COL15A1: variants seen among roughly 807,000 people sequenced by gnomAD.
COL15A1 encodes collagen alpha-1(XV) chain.
COL15A1 carries 111 observed loss-of-function variants against 165.9 expected under a neutral mutation model. The ratio of observed to expected loss-of-function variants is 0.67; its 90% CI spans 0.57 to 0.78. COL15A1 has a LOEUF of 0.78. Among genes scored for constraint, COL15A1 ranks in the 30% least tolerant of loss-of-function variants. COL15A1 has a pLI of 0.00. For missense variants in COL15A1, 1,745 were observed against 1,789.7 expected, an observed-to-expected ratio of 0.98 and a Z score of 0.45; for synonymous variants, 659 against 674.8, an observed-to-expected ratio of 0.98 and a Z score of 0.36.
rs1156280407 is a variant in COL15A1 at position 99,004,984 on chromosome 9, T to C, written c.1287T>C (p.Ser429=). The change falls in exon 9 of 42, where the codon AGT becomes AGC. Residue 429 remains serine (S), a synonymous_variant. Transcript: ENST00000375001. ...GCATGCCTGGGGAAGTGGAGGCCAG[T>C]GGTGTGGCCCCCGGGGAGCTGGACC... ...LASMPGEVEA[S]GVAPGELDLS... is the part of the protein sequence containing the mutation. 1.9e-6 allele frequency: 3 copies of C among 1,613,882 alleles called. No individual in the cohort carries two copies. Among genetic ancestry groups the C allele is most frequent in the East Asian group, 2.2e-5 (1 of 44,862 alleles).
intron 9 of COL15A1, among the ~76,000 whole-genome samples, chr9:99,005,389 C>T (rs545081451): frequency 1.3e-5 from 2 of 152,050 alleles, no homozygotes; most frequent in African/African-American, 2.4e-5. Flanking sequence ...AGGCAGCAGG[C>T]GGCAGGCCCC....
rs1300631634 is a variant in COL15A1, at chr9:98,992,667, TATGC to T, written c.804+3413_804+3416del. Among the ~76,000 whole-genome samples, 3 of 152,358 alleles carry T rather than the reference TATGC, an allele frequency of 2.0e-5. No individual in the cohort carries two copies. In the South Asian group the frequency reaches 6.2e-4, roughly 32 times the overall value. ...AGCACGTTGTCAATTCTCGCTATTG[TATGC>T]ATGATTTCACTTTTGTTTCTTGCCA... is the stretch of plus-strand genomic sequence containing the variant. On this transcript the variant is annotated intron_variant, in intron 5 of 41. Transcript: ENST00000375001.
intron 9 of COL15A1, among the ~76,000 whole-genome samples, chr9:99,010,627 C>T (rs1181226147): frequency 6.6e-6 from 1 of 152,208 alleles, no homozygotes; most frequent in South Asian, 2.1e-4. Flanking sequence ...GGCGGGAACA[C>T]TTGTGAGTTT....
At chr9:98,980,377 G>A (rs914429359) in intron 2 of COL15A1, among the ~76,000 whole-genome samples, 1 of 152,268 alleles carries the variant, frequency 6.6e-6, no homozygotes, top group African/African-American at 2.4e-5. Flanking sequence ...GTGGGTGCGG[G>A]AGGTGAAGCG....
Position 99,055,118 on chromosome 9 carries a change from A to G in COL15A1, c.3048A>G (p.Leu1016=), listed in dbSNP as rs201121426. 1.2e-5 allele frequency: 20 copies of G among 1,613,002 alleles called. No homozygotes were observed. The African/African-American group carries it at 2.0e-4, about 16-fold the overall frequency. The change falls in exon 33 of 42, where the codon CTA becomes CTG. Residue 1016 remains leucine, a synonymous_variant. Transcript: ENST00000375001. ...CTTTTTCAGGTCCTCCACTTGATCT[A>G]GCTTACCTGAGACACTTTCTGAACA... ...AQGPPGPPLD[L]AYLRHFLNNL...
intron 9 of COL15A1, among the ~76,000 whole-genome samples, chr9:99,007,313 A>C (rs924356414): frequency 1.3e-5 from 2 of 152,234 alleles, no homozygotes; most frequent in Non-Finnish European, 2.9e-5. Flanking sequence ...CTTTTAAAGG[A>C]ATAGCATGGG....
chr9:99,015,294 G>T lies in COL15A1; in HGVS notation c.1354-123G>T, dbSNP rs2118988975. 3 of 703,492 alleles carry T rather than the reference G, an allele frequency of 4.3e-6. No homozygotes were observed. In the East Asian group the frequency reaches 7.5e-5, roughly 17 times the overall value. 43.6% of individuals were successfully genotyped at this position (703,492 alleles called of 1,614,324 possible). ...AAGGTGTGGTCCTGGAGGAGCAAAGGAAAGGGAATCATGGAGCCTCCAGTT... is the reference window on the plus strand; with the variant it reads ...AAGGTGTGGTCCTGGAGGAGCAAAGTAAAGGGAATCATGGAGCCTCCAGTT... On this transcript the variant is annotated intron_variant, in intron 9 of 41. Transcript: ENST00000375001.
At chr9:99,033,750 A>G (rs912967214) in intron 16 of COL15A1, among the ~76,000 whole-genome samples, 6 of 152,182 alleles carry the variant, frequency 3.9e-5, no homozygotes, top group Non-Finnish European at 7.4e-5. Flanking sequence ...GTACATCAGC[A>G]TCTCTCTCAG....
At chr9:99,043,487 T>C (rs1483991823) in intron 24 of COL15A1, among the ~76,000 whole-genome samples, 1 of 152,138 alleles carries the variant, frequency 6.6e-6, no homozygotes, top group African/African-American at 2.4e-5. Context: ...GAATGACTGG[T>C]CCAGGCAGCC....
intron 17 of COL15A1, 86 bp from the exon 18 acceptor site, chr9:99,034,928 G>A (rs577401803): frequency 8.5e-7 from 1 of 1,170,342 alleles, no homozygotes; most frequent in Non-Finnish European, 1.3e-6. Context: ...TAACTTCAAG[G>A]AGTGATTTTC....
Position 99,034,588 on chromosome 9 carries a change from A to T in COL15A1, c.2079+4A>T, listed in dbSNP as rs1020517565. The T allele has an allele frequency of 1.1e-4, 25 of 228,470 alleles. No homozygotes were observed. The African/African-American group carries it at 1.9e-3, about 17-fold the overall frequency. 14.2% of individuals were successfully genotyped at this position (228,470 alleles called of 1,614,324 possible). A position where few individuals can be genotyped will look rare whatever the true frequency, so the allele number is the denominator to read the frequency against. The stretch of plus-strand genomic sequence containing the variant: ...TAATGGCTCAGTTGGTGAAAAGGTA[A>T]AAAAAAAAAAAAAAAAAAAAAAAAA... On this transcript the variant is annotated splice_donor_region_variant and intron_variant, in intron 17 of 41. Transcript: ENST00000375001.
At chr9:98,962,533 C>G (rs1369949051) in intron 2 of COL15A1, among the ~76,000 whole-genome samples, 1 of 152,182 alleles carries the variant, frequency 6.6e-6, no homozygotes, top group Non-Finnish European at 1.5e-5. Flanking sequence ...AACAAACACA[C>G]ACACATGTTT....
At chr9:98,976,970 A>C (rs1036518474) in intron 2 of COL15A1, among the ~76,000 whole-genome samples, 1 of 152,114 alleles carries the variant, frequency 6.6e-6, no homozygotes, top group Non-Finnish European at 1.5e-5. Context: ...GGAACAGCAT[A>C]CACAAAGGCT....
rs1825765442 is a variant in COL15A1 at position 99,058,683 on chromosome 9, A to G, written c.3338-1206A>G. Among the ~76,000 whole-genome samples, 3 of 152,246 alleles carry G rather than the reference A, an allele frequency of 2.0e-5. No individual in the cohort carries two copies. The South Asian group carries it at 6.2e-4, about 32-fold the overall frequency. On this transcript the variant is annotated intron_variant, in intron 35 of 41. Transcript: ENST00000375001. ...TTCACAGCAACCCTGGGAGGAAGAT[A>G]AAACAGATATTATTATAAAATTCAT...
intron 23 of COL15A1, chr9:99,041,260 T>A (rs2119070023): frequency 6.6e-6 from 1 of 152,414 alleles, no homozygotes; most frequent in Middle Eastern, 3.4e-3. Context: ...AGAGTTTCAC[T>A]GCTAAACAAT....
chr9:98,948,930 A>G (rs112518688), intron 2 of COL15A1, among the ~76,000 whole-genome samples: 25 of 152,374 alleles, frequency 1.6e-4, no homozygotes, highest in African/African-American at 6.0e-4. Context: ...CACAGAGCAA[A>G]CATGTAATCC....
At chr9:99,012,699 C>T (rs1439960814) in intron 9 of COL15A1, among the ~76,000 whole-genome samples, 3 of 128,410 alleles carry the variant, frequency 2.3e-5, no homozygotes, top group Admixed American at 1.5e-4. Context: ...ATTTGTTTCC[C>T]ACCCTTTTTT....
chr9:99,041,828 A>C lies in COL15A1; in HGVS notation c.2512-217A>C, dbSNP rs190039317. Among the ~76,000 whole-genome samples, 605 of 152,302 alleles carry C rather than the reference A, an allele frequency of 4.0e-3. 20 individuals are homozygous for C. The highest frequency in any genetic ancestry group is 0.034 in the Admixed American group (515 of 15,292). On this transcript the variant is annotated intron_variant, in intron 23 of 41. Coordinates refer to ENST00000375001, the MANE Select transcript of COL15A1 (RefSeq NM_001855.5). ...GAAACCAATGTTCAAAAAAGTGTGA[A>C]GCCTCAAGGCCTCTTAACACTCAGT... is the stretch of plus-strand genomic sequence containing the variant.
chr9:98,991,540 G>C (rs1052090413), intron 5 of COL15A1, among the ~76,000 whole-genome samples: 2 of 152,098 alleles, frequency 1.3e-5, no homozygotes, highest in Non-Finnish European at 2.9e-5. Flanking sequence ...AGTGCTGATT[G>C]GTGCATTTAT....
Sources: allele counts gnomAD v4.1 joint callset (sites outside exome capture counted in the v4.1 genomes callset), GRCh38; gene constraint gnomAD v4.1.1; transcripts MANE v1.5; gene names NCBI Gene and HGNC (gene_info 2026-07-23, HGNC 2026-07-21).